The following SLCO6A1 variants were observed in gnomAD, a reference collection of about 807,000 sequenced individuals.
SLCO6A1 encodes cancer/testis antigen 48.
Under a neutral mutation model 72.7 loss-of-function variants are expected in SLCO6A1, and 65 were observed. That is an observed-to-expected ratio of 0.89 (90% CI 0.73 to 1.10). SLCO6A1 has a LOEUF of 1.10. Ranked by LOEUF, SLCO6A1 falls within the 50% of genes least tolerant of loss-of-function variation. SLCO6A1 has a pLI of 0.00. For missense variants in SLCO6A1, 874 were observed against 872.6 expected, an observed-to-expected ratio of 1.00 and a Z score of -0.02; for synonymous variants, 314 against 298.2, an observed-to-expected ratio of 1.05 and a Z score of -0.55.
intron 11 of SLCO6A1, 83 bp from the exon 12 acceptor site, chr5:102,388,908 G>A: frequency 8.4e-7 from 1 of 1,195,288 alleles, no homozygotes; most frequent in Non-Finnish European, 1.2e-6. Context: ...TAATATATAT[G>A]AATGACGACT....
intron 1 of SLCO6A1, among the ~76,000 whole-genome samples, chr5:102,494,767 T>C (rs1752834217): frequency 6.6e-6 from 1 of 152,294 alleles, no homozygotes; most frequent in Non-Finnish European, 1.5e-5. Flanking sequence ...TTAATAAGAA[T>C]GTGGAACTGG....
intron 9 of SLCO6A1, among the ~76,000 whole-genome samples, chr5:102,400,932 G>A (rs1429448003): frequency 6.6e-6 from 1 of 151,786 alleles, no homozygotes; most frequent in African/African-American, 2.4e-5. Flanking sequence ...CAATAATATA[G>A]AAACCACCAT....
At chr5:102,457,636 A>T (rs1362039486) in intron 6 of SLCO6A1, among the ~76,000 whole-genome samples, 4 of 152,172 alleles carry the variant, frequency 2.6e-5, no homozygotes, top group Non-Finnish European at 5.9e-5. Context: ...AAATAGGAAC[A>T]CTTTTACACT....
chr5:102,446,411 A>C (rs1413232865), intron 6 of SLCO6A1, among the ~76,000 whole-genome samples: 1 of 152,150 alleles, frequency 6.6e-6, no homozygotes, highest in African/African-American at 2.4e-5. Flanking sequence ...ATTTCTGTAC[A>C]TTGATTTTGT....
At chr5:102,411,971 G>A (rs1748009777) in intron 9 of SLCO6A1, among the ~76,000 whole-genome samples, 1 of 152,084 alleles carries the variant, frequency 6.6e-6, no homozygotes, top group Non-Finnish European at 1.5e-5. Context: ...TTTGTCATCT[G>A]TTGTCTCTTA....
intron 1 of SLCO6A1, among the ~76,000 whole-genome samples, chr5:102,486,280 C>T (rs1167330540): frequency 1.3e-5 from 2 of 152,104 alleles, no homozygotes; most frequent in Non-Finnish European, 2.9e-5. Flanking sequence ...GTATGCTACT[C>T]AAGCTCTCAT....
intron 1 of SLCO6A1, among the ~76,000 whole-genome samples, chr5:102,492,579 CAGGG>C (rs1561505556): frequency 5.3e-5 from 8 of 152,192 alleles, no homozygotes; most frequent in South Asian, 2.1e-4. Flanking sequence ...TGAGCTGAAG[CAGGG>C]GAGGCATTGC....
intron 6 of SLCO6A1, among the ~76,000 whole-genome samples, chr5:102,444,937 G>GTA (rs749291649): frequency 5.3e-5 from 8 of 152,118 alleles, no homozygotes; most frequent in Non-Finnish European, 1.2e-4. Flanking sequence ...ATTCCATGGT[G>GTA]TATATATACT....
chr5:102,387,601 G>C (rs1746486495), intron 12 of SLCO6A1, among the ~76,000 whole-genome samples: 1 of 152,120 alleles, frequency 6.6e-6, no homozygotes, highest in Non-Finnish European at 1.5e-5. Context: ...TGTAGGTCAA[G>C]CTTGCTGAAT....
intron 12 of SLCO6A1, among the ~76,000 whole-genome samples, chr5:102,383,186 A>G (rs1346111261): frequency 1.3e-5 from 2 of 150,150 alleles, no homozygotes; most frequent in Non-Finnish European, 3.0e-5. Context: ...TTAGGATGCC[A>G]TGTTTCCTTT....
intron 6 of SLCO6A1, among the ~76,000 whole-genome samples, chr5:102,441,192 G>A (rs1200847847): frequency 6.6e-6 from 1 of 151,950 alleles, no homozygotes; most frequent in East Asian, 1.9e-4. Flanking sequence ...ATACCACAGA[G>A]GTATTTCTTT....
intron 4 of SLCO6A1, among the ~76,000 whole-genome samples, chr5:102,471,739 C>A (rs938319169): frequency 6.6e-6 from 1 of 151,968 alleles, no homozygotes; most frequent in Non-Finnish European, 1.5e-5. Flanking sequence ...CTTCTAATAT[C>A]ACTCAGAATC....
At chr5:102,479,145 C>G (rs926813476) in intron 2 of SLCO6A1, among the ~76,000 whole-genome samples, 2 of 152,086 alleles carry the variant, frequency 1.3e-5, no homozygotes, top group Non-Finnish European at 2.9e-5. Flanking sequence ...ATCACGGGAG[C>G]AGATTTCCCC....
chr5:102,381,562 A>G (rs1040063524), intron 12 of SLCO6A1, among the ~76,000 whole-genome samples: 1 of 151,774 alleles, frequency 6.6e-6, no homozygotes, highest in Non-Finnish European at 1.5e-5. Flanking sequence ...TCTTAAACAT[A>G]TTGATTTCAT....
intron 9 of SLCO6A1, among the ~76,000 whole-genome samples, chr5:102,400,574 T>A (rs930488981): frequency 6.6e-6 from 1 of 151,594 alleles, no homozygotes; most frequent in African/African-American, 2.4e-5. Flanking sequence ...TTAAACAGAG[T>A]TTAAAGATGC....
chr5:102,413,427 A>G (rs1326754044), intron 8 of SLCO6A1, among the ~76,000 whole-genome samples: 1 of 152,038 alleles, frequency 6.6e-6, no homozygotes, highest in African/African-American at 2.4e-5. Flanking sequence ...AAAAAACCCA[A>G]AAGTTTCCTT....
intron 6 of SLCO6A1, among the ~76,000 whole-genome samples, chr5:102,439,881 T>C (rs1749740662): frequency 6.6e-6 from 1 of 152,200 alleles, no homozygotes; most frequent in African/African-American, 2.4e-5. Flanking sequence ...CTAAAAGTTA[T>C]CAAAGAAATA....
In SLCO6A1 at chr5:102,498,553, A is replaced by C. The variant is rs1286958701; in HGVS notation, c.292T>G (p.Cys98Gly). The C allele has an allele frequency of 6.2e-7, 1 of 1,614,138 alleles. No individual in the cohort carries two copies. Among genetic ancestry groups the C allele is most frequent in the African/African-American group, 1.3e-5 (1 of 74,958 alleles). The change falls in exon 1 of 14, where the codon TGC (cysteine) becomes GGC (glycine). Residue 98 changes from cysteine (C) to glycine (G), a missense_variant. By Grantham distance (159) the Cys-to-Gly change is radical. Coordinates refer to ENST00000506729, the MANE Select transcript of SLCO6A1 (RefSeq NM_173488.5). ...CGAATGTTATTGCAACACTCACAGC[A>C]GGTGCTGACTAAGCAGCCCAAACCA... ...PCGLGCLVST[C>G]CECCNNIRCF...
At chr5:102,496,864 G>C (rs1001513471) in intron 1 of SLCO6A1, among the ~76,000 whole-genome samples, 4 of 152,078 alleles carry the variant, frequency 2.6e-5, no homozygotes, top group Non-Finnish European at 1.5e-5. Flanking sequence ...AACAAAACAC[G>C]ATTCATTAAC....
Sources: allele counts gnomAD v4.1 joint callset (sites outside exome capture counted in the v4.1 genomes callset), GRCh38; gene constraint gnomAD v4.1.1; transcripts MANE v1.5; gene names NCBI Gene and HGNC (gene_info 2026-07-23, HGNC 2026-07-21).